The following DNAH7 variants were observed in gnomAD, a reference collection of about 807,000 sequenced individuals.
The protein encoded by DNAH7 is axonemal beta dynein heavy chain 7.
In DNAH7, 397 loss-of-function variants were observed where a neutral mutation model predicts 444.6. The ratio of observed to expected loss-of-function variants is 0.89; its 90% confidence interval spans 0.82 to 0.97. The LOEUF is 0.97. DNAH7 is among the 50% of genes least tolerant of loss of function. The probability of loss-of-function intolerance (pLI) is 0.00; values close to 1 mark genes in which losing one functional copy is unlikely to be tolerated. For synonymous variants in DNAH7, 1,636 were observed against 1,624.4 expected (o/e 1.01, Z -0.17); for missense variants, 4,902 against 4,800.8 (o/e 1.02, Z -0.62).
intron 5 of DNAH7, among the ~76,000 whole-genome samples, chr2:196,039,785 C>A: frequency 7.0e-6 from 1 of 142,072 alleles, no homozygotes. Flanking sequence ...TGAGATTCTG[C>A]CTCAAAAAAA....
chr2:195,960,181 A>T (rs1690986979), intron 18 of DNAH7, 79 bp downstream of exon 18: 1 of 1,198,886 alleles, frequency 8.3e-7, no homozygotes, highest in African/African-American at 1.5e-5. Flanking sequence ...GTGTGAAATA[A>T]TTCTCAAAAG....
intron 61 of DNAH7, among the ~76,000 whole-genome samples, chr2:195,761,079 A>G (rs905274297): frequency 2.6e-5 from 4 of 152,140 alleles, no homozygotes; most frequent in African/African-American, 9.7e-5. Flanking sequence ...AAATGCAAAA[A>G]AAGATTCCAA....
chr2:195,844,748 T>C (rs1457631562), intron 47 of DNAH7, among the ~76,000 whole-genome samples: 1 of 152,202 alleles, frequency 6.6e-6, no homozygotes, highest in Non-Finnish European at 1.5e-5. Flanking sequence ...AGGCAGGGTT[T>C]TGCTCTATTT....
intron 46 of DNAH7, among the ~76,000 whole-genome samples, chr2:195,847,022 C>T (rs1699037846): frequency 6.8e-6 from 1 of 147,124 alleles, no homozygotes; most frequent in Non-Finnish European, 1.5e-5. Context: ...CCTATTAGTT[C>T]TGTCCCTCTA....
intron 15 of DNAH7, among the ~76,000 whole-genome samples, chr2:195,978,287 C>A (rs968771230): frequency 6.6e-6 from 1 of 152,062 alleles, no homozygotes. Context: ...AATTAATTTT[C>A]TTTTTTCTTG....
intron 63 of DNAH7, among the ~76,000 whole-genome samples, chr2:195,750,090 C>T (rs1693705628): frequency 6.6e-6 from 1 of 152,154 alleles, no homozygotes; most frequent in Non-Finnish European, 1.5e-5. Flanking sequence ...GACTACTCTT[C>T]AGTGCATGAT....
At chr2:195,755,036 T>C (rs1694004304) in intron 62 of DNAH7, among the ~76,000 whole-genome samples, 3 of 152,252 alleles carry the variant, frequency 2.0e-5, no homozygotes, top group Non-Finnish European at 2.9e-5. Flanking sequence ...GTCTGTTTTA[T>C]ACATGCCCCA....
chr2:195,744,025 G>A (rs1348734937), intron 63 of DNAH7, among the ~76,000 whole-genome samples: 1 of 152,228 alleles, frequency 6.6e-6, no homozygotes, highest in Non-Finnish European at 1.5e-5. Context: ...GACAGTGGGT[G>A]CAGCGCACCA....
intron 15 of DNAH7, among the ~76,000 whole-genome samples, chr2:195,980,653 A>G (rs1295995353): frequency 1.3e-5 from 2 of 152,234 alleles, no homozygotes; most frequent in African/African-American, 2.4e-5. Context: ...TAAAAAGGTC[A>G]TTCACCATGA....
At chr2:195,752,857 A>C (rs566554460) in intron 63 of DNAH7, among the ~76,000 whole-genome samples, 9 of 152,246 alleles carry the variant, frequency 5.9e-5, no homozygotes, top group Non-Finnish European at 1.2e-4. Flanking sequence ...GAACAGCATC[A>C]GTTGATTAGA....
chr2:195,987,270 AT>A, intron 13 of DNAH7, 77 bp from the exon 14 acceptor site: 1 of 1,155,204 alleles, frequency 8.7e-7, no homozygotes, highest in South Asian at 2.0e-5. Context: ...CATTCTCATA[AT>A]TTTTATTTTT....
intron 63 of DNAH7, among the ~76,000 whole-genome samples, chr2:195,748,488 T>G (rs969384771): frequency 1.3e-5 from 2 of 152,152 alleles, no homozygotes; most frequent in African/African-American, 4.8e-5. Context: ...AAAACTACTT[T>G]AAAGTTCATA....
intron 24 of DNAH7, among the ~76,000 whole-genome samples, chr2:195,919,396 G>A (rs1002062831): frequency 2.0e-5 from 3 of 152,058 alleles, no homozygotes; most frequent in African/African-American, 7.2e-5. Context: ...CCAGGCTGGA[G>A]TGCAGTGGCA....
chr2:196,056,899 A>T (rs1697842459), intron 2 of DNAH7, among the ~76,000 whole-genome samples: 1 of 152,146 alleles, frequency 6.6e-6, no homozygotes, highest in Admixed American at 6.5e-5. Context: ...GTTCAACTCT[A>T]ATCTTGTTCC....
At position 195,906,718 on chromosome 2, in the gene DNAH7, C is replaced by T. The variant is rs371617296; in HGVS notation, c.4276G>A (p.Val1426Ile). Reference sequence around the variant, plus strand: ...TACCCAGGGTTCATTGTTATAAAGACAGCACATGTGGGGTCAAGTTTTAGT... The same window carrying T: ...TACCCAGGGTTCATTGTTATAAAGATAGCACATGTGGGGTCAAGTTTTAGT... ...TELKLDPTCAVFITMNPGYAG... is the reference protein window; with the variant it reads ...TELKLDPTCAIFITMNPGYAG... The change falls in exon 27 of 65, where the codon GTC becomes ATC. Residue 1426 changes from valine (V) to isoleucine (I), a missense_variant. By Grantham distance (29) the Val-to-Ile change is conservative. Coordinates refer to ENST00000312428, the MANE Select transcript of DNAH7 (RefSeq NM_018897.3). 16 of 1,613,358 alleles carry T rather than the reference C, an allele frequency of 9.9e-6. No individual in the cohort carries two copies. The African/African-American group carries it at 1.9e-4, about 19-fold the overall frequency.
chr2:195,981,356 A>G (rs1353292153), intron 15 of DNAH7, among the ~76,000 whole-genome samples: 1 of 152,150 alleles, frequency 6.6e-6, no homozygotes, highest in Admixed American at 6.6e-5. Context: ...AAAAGGAAAG[A>G]TATTCCATGT....
At chr2:195,932,152 T>C (rs1325328259) in intron 21 of DNAH7, among the ~76,000 whole-genome samples, 30 of 152,226 alleles carry the variant, frequency 2.0e-4, no homozygotes. Context: ...CCTTCTAAGT[T>C]GGATTCCTAG....
At chr2:195,867,646 T>A (rs1467881726) in intron 40 of DNAH7, among the ~76,000 whole-genome samples, 4 of 152,182 alleles carry the variant, frequency 2.6e-5, no homozygotes, top group Non-Finnish European at 1.5e-5. Context: ...TGGAACTAAC[T>A]TGCTTATTCT....
chr2:195,809,596 C>T (rs1696867736), intron 52 of DNAH7, 149 bp downstream of exon 52: 6 of 620,680 alleles, frequency 9.7e-6, no homozygotes, highest in Admixed American at 9.7e-5. Flanking sequence ...AATTTATCCT[C>T]CTGATAACAT....
Sources: gnomAD v4.1 joint callset for allele counts (sites outside exome capture counted in the v4.1 genomes callset) on GRCh38, gnomAD v4.1.1 for gene constraint, MANE v1.5 for transcripts, NCBI Gene and HGNC (gene_info 2026-07-23, HGNC 2026-07-21) for gene names.